The following CMYA5 variants were observed in gnomAD, a reference collection of about 807,000 sequenced individuals.
CMYA5 encodes the protein cardiomyopathy-associated protein 5.
A neutral mutation model predicts 318.9 loss-of-function variants in CMYA5; 246 were observed. The ratio of observed to expected loss-of-function variants is 0.77; its 90% CI spans 0.70 to 0.86. The LOEUF (loss-of-function observed/expected upper bound fraction) is 0.86, where lower values mean the gene tolerates loss of function less well. CMYA5 is among the 40% of genes least tolerant of loss of function. The pLI is 0.00. For missense variants in CMYA5, 4,589 were observed against 4,678.2 expected, an observed-to-expected ratio of 0.98 and a Z score of 0.56; for synonymous variants, 1,641 against 1,729.5, an observed-to-expected ratio of 0.95 and a Z score of 1.27.
Position 79,739,018 on chromosome 5 carries a change from A to G in CMYA5, c.10253A>G (p.Gln3418Arg), listed in dbSNP as rs1375596999. Residue 3418 changes from glutamine to arginine, a missense_variant, in exon 2 of 13, where the codon CAG becomes CGG. This residue lies in a region of CMYA5 where 2,431 missense variants were observed against 2,495.1 expected (regional missense o/e 0.97). Coordinates refer to ENST00000446378, the MANE Select transcript of CMYA5 (RefSeq NM_153610.5). ...SEERLRNSPV[Q>R]DEYEFTESLH... is the part of the protein sequence containing the mutation. ...GAGAGGCTCCGTAATAGCCCTGTTC[A>G]GGATGAGTATGAATTTACAGAATCC... is the stretch of plus-strand genomic sequence containing the variant. The G allele has an allele frequency of 2.5e-6, 4 of 1,613,838 alleles. No homozygotes were observed. Among genetic ancestry groups the G allele is most frequent in the Admixed American group, 3.3e-5 (2 of 59,980 alleles).
At chr5:79,693,271 C>G (rs1827003657) in intron 1 of CMYA5, among the ~76,000 whole-genome samples, 1 of 151,910 alleles carries the variant, frequency 6.6e-6, no homozygotes, top group Non-Finnish European at 1.5e-5. Context: ...TTGGAAGTAT[C>G]TGTTCTCAAC....
intron 1 of CMYA5, among the ~76,000 whole-genome samples, chr5:79,697,618 C>T (rs1827093586): frequency 6.6e-6 from 1 of 152,118 alleles, no homozygotes; most frequent in African/African-American, 2.4e-5. Flanking sequence ...GAGTAATTTA[C>T]CTAATTTCAG....
intron 4 of CMYA5, among the ~76,000 whole-genome samples, chr5:79,745,860 G>A (rs1828312400): frequency 6.6e-6 from 1 of 152,224 alleles, no homozygotes; most frequent in Non-Finnish European, 1.5e-5. Flanking sequence ...ACTCATATGG[G>A]CTGTTCCCCC....
intron 1 of CMYA5, among the ~76,000 whole-genome samples, chr5:79,710,341 A>G (rs934984003): frequency 1.3e-5 from 2 of 152,106 alleles, no homozygotes; most frequent in African/African-American, 4.8e-5. Flanking sequence ...AATTGCTACT[A>G]CCCTAAATAT....
In CMYA5 at chr5:79,738,708, G is replaced by A; in HGVS notation, c.9943G>A (p.Gly3315Ser). The change falls in exon 2 of 13, where the codon GGT (glycine) becomes AGT (serine). Residue 3315 changes from glycine (G) to serine (S), a missense_variant. Physicochemically the swap from Gly to Ser is moderately conservative, Grantham distance 56. Transcript: ENST00000446378. Reference protein sequence around the residue: ...GESVDHVETVGNVAMQKKAPI... With the variant: ...GESVDHVETVSNVAMQKKAPI... ...ATCAGTAGACCATGTGGAGACCGTT[G>A]GTAACGTAGCGATGCAGAAGAAAGC... is the stretch of plus-strand genomic sequence containing the variant. 2.5e-6 allele frequency: 4 copies of A among 1,613,956 alleles called. No homozygotes were observed. The highest frequency in any genetic ancestry group is 3.4e-6 in the Non-Finnish European group (4 of 1,179,858).
intron 7 of CMYA5, among the ~76,000 whole-genome samples, chr5:79,760,932 A>G (rs1022165204): frequency 1.3e-5 from 2 of 152,190 alleles, no homozygotes; most frequent in Non-Finnish European, 2.9e-5. Context: ...GAAGCCTGCT[A>G]AGTTGAAGAG....
At chr5:79,764,521 C>T (rs1280536512) in intron 9 of CMYA5, among the ~76,000 whole-genome samples, 1 of 152,064 alleles carries the variant, frequency 6.6e-6, no homozygotes, top group Admixed American at 6.5e-5. Context: ...AATAGGATTG[C>T]TGGGTCAAAT....
intron 9 of CMYA5, among the ~76,000 whole-genome samples, chr5:79,767,734 A>G (rs1432734500): frequency 1.3e-5 from 2 of 152,176 alleles, no homozygotes; most frequent in Admixed American, 6.5e-5. Flanking sequence ...TATGTGGTCA[A>G]TTTTAGAATA....
Position 79,735,032 on chromosome 5 carries a change from A to T in CMYA5, c.6267A>T (p.Ala2089=), listed in dbSNP as rs760233915. ...VEPALGNEKE[A]HRSTPPFPEE... ...CTGCATTGGGCAATGAAAAAGAAGC[A>T]CACAGGAGCACACCTCCTTTTCCTG... is the stretch of plus-strand genomic sequence containing the variant. Residue 2089 remains alanine (A), a synonymous_variant, in exon 2 of 13, where the codon GCA becomes GCT. Transcript: ENST00000446378. 6.2e-7 allele frequency: 1 copy of T among 1,613,714 alleles called. No homozygotes were observed. The highest frequency in any genetic ancestry group is 8.5e-7 in the Non-Finnish European group (1 of 1,179,822).
In CMYA5 at chr5:79,793,626, C is replaced by T. The variant is rs922048336; in HGVS notation, c.11963+16C>T. The T allele has an allele frequency of 2.2e-5, 34 of 1,580,418 alleles. No individual in the cohort carries two copies. Among genetic ancestry groups the T allele is most frequent in the African/African-American group, 2.7e-5 (2 of 74,418 alleles). ...AGCCACAGAGGTAAGCGAGCCCTTC[C>T]CCTCCCCTCTTCATCAAAATATTAT... On this transcript the variant is annotated intron_variant, in intron 12 of 12. Coordinates refer to ENST00000446378, the MANE Select transcript of CMYA5 (RefSeq NM_153610.5).
chr5:79,762,760 G>A (rs1828676554), intron 8 of CMYA5: 1 of 284,170 alleles, frequency 3.5e-6, no homozygotes, highest in Non-Finnish European at 6.6e-6. Context: ...ACTGGGACAG[G>A]GGAAAGAATC....
In CMYA5 at chr5:79,689,969, A is replaced by T; in HGVS notation, c.62A>T (p.Glu21Val). ...ESFLGSDGDE[E>V]ATRELETEEE... ...TTTCTCGGCTCCGACGGGGACGAGGAGGCGACCCGGGAGCTGGAGACCGAG... is the reference window on the plus strand; with the variant it reads ...TTTCTCGGCTCCGACGGGGACGAGGTGGCGACCCGGGAGCTGGAGACCGAG... The change falls in exon 1 of 13, where the codon GAG becomes GTG. Residue 21 changes from glutamate to valine, a missense_variant. Physicochemically the swap from Glu to Val is moderately radical, Grantham distance 121. This residue lies in a region of CMYA5 where 2,132 missense variants were observed against 2,131.3 expected (regional missense o/e 1.00). Coordinates refer to ENST00000446378, the MANE Select transcript of CMYA5 (RefSeq NM_153610.5). 7.8e-7 allele frequency: 1 copy of T among 1,278,316 alleles called. No homozygotes were observed. Among genetic ancestry groups the T allele is most frequent in the Non-Finnish European group, 1.1e-6 (1 of 906,720 alleles). The allele number at this position is 1,278,316 out of a possible 1,614,324, so 79.2% of individuals were successfully genotyped here. A position where few individuals can be genotyped will look rare whatever the true frequency, so the allele number is the denominator to read the frequency against.
In CMYA5 at chr5:79,799,352, C is replaced by T; in HGVS notation, c.11964-18C>T. 1 of 1,580,868 alleles carries T rather than the reference C, an allele frequency of 6.3e-7. No individual in the cohort carries two copies. The highest frequency in any genetic ancestry group is 8.6e-7 in the Non-Finnish European group (1 of 1,156,580). ...GAGATTTCCAGAGTTTTATGTTTCC[C>T]ATTCGCTTTCATTTCAGATACACAT... is the stretch of plus-strand genomic sequence containing the variant. On this transcript the variant is annotated intron_variant, in intron 12 of 12. Coordinates refer to ENST00000446378, the MANE Select transcript of CMYA5 (RefSeq NM_153610.5).
At chr5:79,752,579 C>G in intron 5 of CMYA5, 97 bp from the exon 6 acceptor site, 1 of 769,584 alleles carries the variant, frequency 1.3e-6, no homozygotes, top group Non-Finnish European at 2.1e-6. Context: ...ATGCAAACCA[C>G]CACTACCAAC....
intron 1 of CMYA5, among the ~76,000 whole-genome samples, chr5:79,726,909 A>ATTTTTTTTTTTTTTTTTGTT (rs1827759021): frequency 1.0e-5 from 1 of 96,040 alleles, no homozygotes; most frequent in African/African-American, 5.2e-5. Context: ...TAGGCCAGTG[A>ATTTTTTTTTTTTTTTTTGTT]TTTTTTTTTT....
At chr5:79,778,921 T>C (rs1241944138) in intron 9 of CMYA5, among the ~76,000 whole-genome samples, 3 of 138,620 alleles carry the variant, frequency 2.2e-5, no homozygotes, top group Non-Finnish European at 4.6e-5. Flanking sequence ...TAATTTTTTT[T>C]TTTTATTATA....
At chr5:79,739,449 A>T (rs1377017010) in intron 2 of CMYA5, 46 bp downstream of exon 2, 4 of 1,270,436 alleles carry the variant, frequency 3.1e-6, no homozygotes, top group Middle Eastern at 2.1e-4. Context: ...ATATATACAC[A>T]TTTAATTTGC....
intron 1 of CMYA5, among the ~76,000 whole-genome samples, chr5:79,723,673 G>A (rs1827690270): frequency 6.7e-6 from 1 of 149,570 alleles, no homozygotes; most frequent in African/African-American, 2.5e-5. Context: ...GAGGAGAGAG[G>A]ATTGCTTGAG....
intron 9 of CMYA5, among the ~76,000 whole-genome samples, chr5:79,770,916 G>A (rs1333811741): frequency 2.0e-5 from 3 of 152,044 alleles, no homozygotes; most frequent in South Asian, 2.1e-4. Flanking sequence ...GGTGGGGGAC[G>A]TTTTGGTGGG....
Sources: allele counts gnomAD v4.1 joint callset (sites outside exome capture counted in the v4.1 genomes callset), GRCh38; gene constraint gnomAD v4.1.1; regional missense constraint gnomAD v4.1.1; transcripts MANE v1.5; gene names NCBI Gene and HGNC (gene_info 2026-07-23, HGNC 2026-07-21).